Variants in DPYD observed in about 807,000 individuals in gnomAD.
DPYD encodes dihydropyrimidine dehydrogenase [NADP(+)].
A neutral mutation model predicts 116.2 loss-of-function variants in DPYD; 109 were observed. The observed-to-expected ratio is 0.94, with a 90% confidence interval of 0.80 to 1.10. The LOEUF is 1.10. Among genes scored for constraint, DPYD ranks in the 50% least tolerant of loss-of-function variants. The pLI is 0.00. For synonymous variants in DPYD, 440 were observed against 432.0 expected (o/e 1.02, Z -0.23); for missense variants, 1,302 against 1,254.5 (o/e 1.04, Z -0.57).
chr1:97,354,977 G>A (rs79510932), intron 16 of DPYD, among the ~76,000 whole-genome samples: 5,415 of 152,290 alleles, frequency 0.036, 109 homozygotes, highest in Non-Finnish European at 0.058. Context: ...ATTGAGGAAT[G>A]AATGTGATCC....
At chr1:97,528,574 A>C (rs954111881) in intron 12 of DPYD, among the ~76,000 whole-genome samples, 1 of 152,092 alleles carries the variant, frequency 6.6e-6, no homozygotes, top group Admixed American at 6.5e-5. Flanking sequence ...TTAATGTAGT[A>C]ACATGCAAAA....
chr1:97,769,975 G>C (rs1666057558), intron 3 of DPYD, among the ~76,000 whole-genome samples: 1 of 152,166 alleles, frequency 6.6e-6, no homozygotes, highest in Non-Finnish European at 1.5e-5. Context: ...CTTTAGATTA[G>C]GTAGTGAGGC....
chr1:97,173,239 C>T (rs907002534), intron 20 of DPYD, among the ~76,000 whole-genome samples: 6 of 137,824 alleles, frequency 4.4e-5, no homozygotes, highest in African/African-American at 1.4e-4. Flanking sequence ...TATGCGCACA[C>T]ATATATGTAC....
chr1:97,890,355 C>T (rs1000441955), intron 1 of DPYD, among the ~76,000 whole-genome samples: 5 of 151,910 alleles, frequency 3.3e-5, no homozygotes, highest in African/African-American at 1.2e-4. Context: ...TGTAATACCA[C>T]TAAAACTTCC....
intron 1 of DPYD, among the ~76,000 whole-genome samples, chr1:97,891,274 A>G (rs1361885951): frequency 6.6e-6 from 1 of 151,930 alleles, no homozygotes; most frequent in African/African-American, 2.4e-5. Flanking sequence ...GGATGAATTG[A>G]GCACTTTAAG....
chr1:97,361,569 A>G (rs1190793837), intron 16 of DPYD, among the ~76,000 whole-genome samples: 1 of 152,204 alleles, frequency 6.6e-6, no homozygotes, highest in Non-Finnish European at 1.5e-5. Flanking sequence ...AATACTGGCA[A>G]AGCGAATCCA....
intron 21 of DPYD, among the ~76,000 whole-genome samples, chr1:97,092,734 C>A (rs1649975245): frequency 6.6e-6 from 1 of 151,980 alleles, no homozygotes; most frequent in Non-Finnish European, 1.5e-5. Context: ...CATGCTACAC[C>A]CCAAACTCCC....
chr1:97,326,579 T>C (rs1330935346), intron 16 of DPYD, among the ~76,000 whole-genome samples: 1 of 151,780 alleles, frequency 6.6e-6, no homozygotes, highest in Non-Finnish European at 1.5e-5. Flanking sequence ...AAAATATAAA[T>C]GAGAAGACCA....
At chr1:97,572,332 A>G (rs549988010) in intron 11 of DPYD, among the ~76,000 whole-genome samples, 1 of 151,912 alleles carries the variant, frequency 6.6e-6, no homozygotes, top group Non-Finnish European at 1.5e-5. Flanking sequence ...GCGCACACAC[A>G]CACAAGCACA....
chr1:97,762,895 C>T (rs180697140), intron 3 of DPYD, among the ~76,000 whole-genome samples: 37 of 152,096 alleles, frequency 2.4e-4, no homozygotes, highest in African/African-American at 7.7e-4. Context: ...ATTAAATATG[C>T]GTCGTCACAA....
intron 5 of DPYD, among the ~76,000 whole-genome samples, chr1:97,704,420 TAAAA>T (rs1022037801): frequency 2.0e-5 from 3 of 151,458 alleles, no homozygotes; most frequent in Non-Finnish European, 4.4e-5. Context: ...TTGTGTAAGT[TAAAA>T]AAAAGAGGGT....
At chr1:97,210,709 A>G (rs1370830562) in intron 19 of DPYD, among the ~76,000 whole-genome samples, 2 of 152,170 alleles carry the variant, frequency 1.3e-5, no homozygotes, top group African/African-American at 2.4e-5. Flanking sequence ...ACAAAAAGAT[A>G]CTAGTGCCTA....
intron 20 of DPYD, among the ~76,000 whole-genome samples, chr1:97,171,733 CATT>C (rs1656736238): frequency 6.6e-6 from 1 of 152,132 alleles, no homozygotes; most frequent in African/African-American, 2.4e-5. Context: ...TTTGTATTGT[CATT>C]ATCATGATTA....
At chr1:97,868,762 T>C (rs1244081063) in intron 2 of DPYD, among the ~76,000 whole-genome samples, 1 of 151,802 alleles carries the variant, frequency 6.6e-6, no homozygotes, top group Non-Finnish European at 1.5e-5. Context: ...TATTATACCC[T>C]ACTGCCTCAC....
intron 13 of DPYD, among the ~76,000 whole-genome samples, chr1:97,504,269 A>C (rs1368714925): frequency 6.6e-6 from 1 of 151,880 alleles, no homozygotes; most frequent in African/African-American, 2.4e-5. Context: ...ACTCTGCTTG[A>C]TATATCGAAA....
intron 10 of DPYD, among the ~76,000 whole-genome samples, chr1:97,585,621 T>A (rs897168724): frequency 6.6e-6 from 1 of 152,258 alleles, no homozygotes; most frequent in Non-Finnish European, 1.5e-5. Context: ...TTTGTTTTTA[T>A]GTTAATTCAT....
At chr1:97,651,294 A>C (rs1658567033) in intron 8 of DPYD, among the ~76,000 whole-genome samples, 1 of 152,150 alleles carries the variant, frequency 6.6e-6, no homozygotes, top group Non-Finnish European at 1.5e-5. Context: ...CAGCATTAAA[A>C]ATCCCCATGA....
intron 10 of DPYD, among the ~76,000 whole-genome samples, chr1:97,576,351 G>T (rs917033233): frequency 6.6e-6 from 1 of 152,130 alleles, no homozygotes; most frequent in Non-Finnish European, 1.5e-5. Flanking sequence ...GTGGAGGGCA[G>T]AAATGAAACA....
chr1:97,590,308 C>A (rs1288701865), intron 10 of DPYD, among the ~76,000 whole-genome samples: 1 of 152,152 alleles, frequency 6.6e-6, no homozygotes, highest in Non-Finnish European at 1.5e-5. Flanking sequence ...ATGAGATGAA[C>A]CTTCAAAGGC....
Sources: allele counts gnomAD v4.1 joint callset (sites outside exome capture counted in the v4.1 genomes callset), GRCh38; gene constraint gnomAD v4.1.1; transcripts MANE v1.5; gene names NCBI Gene and HGNC (gene_info 2026-07-23, HGNC 2026-07-21).